The following EDIL3 variants were observed in gnomAD, a reference collection of about 807,000 sequenced individuals.
EDIL3 encodes the protein EGF-like repeat and discoidin I-like domain-containing protein 3.
In EDIL3, 37 loss-of-function variants were observed where a neutral mutation model predicts 67.4. The observed-to-expected ratio is 0.55, with a 90% CI of 0.42 to 0.72. EDIL3 has a LOEUF of 0.72. EDIL3 is among the 30% of genes least tolerant of loss of function. The pLI is 0.00. For synonymous variants in EDIL3, 195 were observed against 196.3 expected (o/e 0.99, Z 0.05); for missense variants, 527 against 586.3 (o/e 0.90, Z 1.04).
chr5:84,122,246 T>C (rs970588838), intron 5 of EDIL3, among the ~76,000 whole-genome samples: 2 of 152,014 alleles, frequency 1.3e-5, no homozygotes, highest in Non-Finnish European at 1.5e-5. Context: ...AAGGTATGGA[T>C]TTATCTTTTC....
intron 1 of EDIL3, among the ~76,000 whole-genome samples, chr5:84,268,757 A>T (rs1162937925): frequency 1.3e-5 from 2 of 152,198 alleles, no homozygotes; most frequent in Non-Finnish European, 2.9e-5. Flanking sequence ...ATTATCAATC[A>T]CCACTTCGTA....
chr5:84,358,174 T>C (rs1747526653), intron 1 of EDIL3, among the ~76,000 whole-genome samples: 1 of 152,176 alleles, frequency 6.6e-6, no homozygotes, highest in Admixed American at 6.5e-5. Flanking sequence ...ATGGAGACAG[T>C]GAATTCTGAA....
intron 1 of EDIL3, among the ~76,000 whole-genome samples, chr5:84,328,435 T>C (rs1271839566): frequency 6.6e-6 from 1 of 152,050 alleles, no homozygotes; most frequent in African/African-American, 2.4e-5. Flanking sequence ...GAATGAGCAA[T>C]CTGAATAAAC....
intron 3 of EDIL3, among the ~76,000 whole-genome samples, chr5:84,205,976 G>C (rs1295202635): frequency 6.6e-6 from 1 of 151,792 alleles, no homozygotes; most frequent in African/African-American, 2.4e-5. Context: ...GTTTGCTCTT[G>C]CTTTTCTAGC....
chr5:83,997,739 C>T (rs370366268), intron 9 of EDIL3, among the ~76,000 whole-genome samples: 34 of 152,140 alleles, frequency 2.2e-4, no homozygotes, highest in Non-Finnish European at 3.7e-4. Context: ...ATCATCCTCC[C>T]GCAGGAACAC....
intron 4 of EDIL3, among the ~76,000 whole-genome samples, chr5:84,139,567 T>C (rs1209027557): frequency 6.6e-6 from 1 of 152,178 alleles, no homozygotes; most frequent in Admixed American, 6.5e-5. Context: ...AATGTTTGGC[T>C]ACCTTGGAAC....
At chr5:84,328,229 T>A (rs1381149055) in intron 1 of EDIL3, among the ~76,000 whole-genome samples, 1 of 152,064 alleles carries the variant, frequency 6.6e-6, no homozygotes, top group Non-Finnish European at 1.5e-5. Flanking sequence ...TATAACTAGA[T>A]GTTCTATATG....
At chr5:84,120,529 C>T (rs992438366) in intron 5 of EDIL3, among the ~76,000 whole-genome samples, 2 of 151,896 alleles carry the variant, frequency 1.3e-5, no homozygotes, top group African/African-American at 4.8e-5. Context: ...ACACAGATGC[C>T]GTGGCATGAA....
chr5:83,983,178 T>A (rs1193463988), intron 9 of EDIL3, among the ~76,000 whole-genome samples: 1 of 152,140 alleles, frequency 6.6e-6, no homozygotes, highest in Non-Finnish European at 1.5e-5. Context: ...CTTTAGTATA[T>A]CCTTCCACTA....
intron 1 of EDIL3, among the ~76,000 whole-genome samples, chr5:84,291,487 G>A (rs1043319451): frequency 4.0e-5 from 6 of 151,572 alleles, no homozygotes; most frequent in African/African-American, 7.3e-5. Context: ...ATAATATGAC[G>A]GTGTGTGTGC....
intron 5 of EDIL3, among the ~76,000 whole-genome samples, chr5:84,120,224 G>T (rs1747752239): frequency 6.6e-6 from 1 of 151,864 alleles, no homozygotes; most frequent in Non-Finnish European, 1.5e-5. Flanking sequence ...AAAATATTCT[G>T]GCTTTTTTGT....
chr5:84,032,431 G>A (rs1420417023), intron 9 of EDIL3, among the ~76,000 whole-genome samples: 1 of 152,200 alleles, frequency 6.6e-6, no homozygotes, highest in African/African-American at 2.4e-5. Flanking sequence ...TCCAATAGGT[G>A]AAATAGGAAA....
chr5:84,104,181 G>T (rs1446625025), intron 6 of EDIL3, among the ~76,000 whole-genome samples: 1 of 151,914 alleles, frequency 6.6e-6, no homozygotes, highest in Non-Finnish European at 1.5e-5. Context: ...TAAATGATGG[G>T]AACACACGGA....
chr5:84,151,873 AAAT>A (rs984387640), intron 4 of EDIL3, among the ~76,000 whole-genome samples: 3 of 151,990 alleles, frequency 2.0e-5, no homozygotes, highest in Non-Finnish European at 4.4e-5. Context: ...AGGAACTATG[AAAT>A]AATAATAATT....
intron 1 of EDIL3, among the ~76,000 whole-genome samples, chr5:84,285,490 G>A (rs575632247): frequency 2.0e-5 from 3 of 152,148 alleles, no homozygotes; most frequent in Non-Finnish European, 2.9e-5. Flanking sequence ...TGCGTAGCAC[G>A]GTGTCTGGCA....
At chr5:84,210,807 A>T (rs1051062759) in intron 3 of EDIL3, among the ~76,000 whole-genome samples, 119 of 152,322 alleles carry the variant, frequency 7.8e-4, no homozygotes, top group African/African-American at 2.8e-3. Context: ...ATATTTTATA[A>T]CCACTTTTTA....
At chr5:84,129,145 A>G (rs1747917483) in intron 5 of EDIL3, among the ~76,000 whole-genome samples, 1 of 152,178 alleles carries the variant, frequency 6.6e-6, no homozygotes, top group Non-Finnish European at 1.5e-5. Context: ...AATCAGAGGC[A>G]TCTGAAGGAA....
At chr5:83,962,683 GT>G (rs142613717) in intron 10 of EDIL3, among the ~76,000 whole-genome samples, 6,693 of 151,516 alleles carry the variant, frequency 0.044, 220 homozygotes, top group South Asian at 0.13. Context: ...AAACATCTGA[GT>G]TTTTTGTTGT....
chr5:84,272,717 T>C (rs1366832236), intron 1 of EDIL3, among the ~76,000 whole-genome samples: 5 of 152,200 alleles, frequency 3.3e-5, no homozygotes, highest in Non-Finnish European at 1.5e-5. Flanking sequence ...AGGGTGCCAG[T>C]TGCTTTGAAA....
Sources: gnomAD v4.1 joint callset for allele counts (sites outside exome capture counted in the v4.1 genomes callset) on GRCh38, gnomAD v4.1.1 for gene constraint, MANE v1.5 for transcripts, NCBI Gene and HGNC (gene_info 2026-07-23, HGNC 2026-07-21) for gene names.